Variants in LRRC74A observed in about 807,000 individuals in gnomAD.
LRRC74A encodes the protein leucine-rich repeat-containing protein 74A.
LRRC74A carries 44 observed loss-of-function variants against 57.9 expected under a neutral mutation model. The observed-to-expected ratio is 0.76, with a 90% CI of 0.60 to 0.98. LRRC74A has a LOEUF of 0.98. Ranked by LOEUF, LRRC74A falls within the 50% of genes least tolerant of loss-of-function variation. LRRC74A has a pLI of 0.00. For synonymous variants in LRRC74A, 211 were observed against 219.4 expected, an observed-to-expected ratio of 0.96 and a Z score of 0.34; for missense variants, 572 against 574.0, an observed-to-expected ratio of 1.00 and a Z score of 0.04.
At chr14:76,861,080 C>T (rs914523337) in intron 11 of LRRC74A, among the ~76,000 whole-genome samples, 14 of 152,296 alleles carry the variant, frequency 9.2e-5, no homozygotes, top group African/African-American at 3.4e-4. Flanking sequence ...CTGAAGGGGG[C>T]AGGTGGACAG....
At chr14:76,829,534 G>C (rs1895825109) in intron 2 of LRRC74A, among the ~76,000 whole-genome samples, 1 of 152,210 alleles carries the variant, frequency 6.6e-6, no homozygotes, top group Non-Finnish European at 1.5e-5. Context: ...AAAGGGTCCT[G>C]TTTCTATCTC....
At position 76,867,366 on chromosome 14, in the gene LRRC74A, T is replaced by A; in HGVS notation, c.1319T>A (p.Val440Asp). 6.4e-7 allele frequency: 1 copy of A among 1,566,704 alleles called. No individual in the cohort carries two copies. The highest frequency in any genetic ancestry group is 8.8e-7 in the Non-Finnish European group (1 of 1,139,038). The change falls in exon 13 of 14, where the codon GTC becomes GAC. Residue 440 changes from valine (V) to aspartate (D), a missense_variant. Coordinates refer to ENST00000689127, the MANE Select transcript of LRRC74A (RefSeq NM_001385106.1). ...FQKVMIEQNK[V>D]PLNQYQVREV... ...CATCCACCTCCTCAGCAAAACAAGGTCCCCCTGAACCAGTACCAGGTCAGG... is the reference window on the plus strand; with the variant it reads ...CATCCACCTCCTCAGCAAAACAAGGACCCCCTGAACCAGTACCAGGTCAGG...
intron 7 of LRRC74A, among the ~76,000 whole-genome samples, chr14:76,849,997 AG>A (rs1250841201): frequency 6.6e-6 from 1 of 151,922 alleles, no homozygotes. Flanking sequence ...TCACAAGGTC[AG>A]GAGATTGAGA....
At chr14:76,846,777 A>G (rs1025292826) in intron 7 of LRRC74A, among the ~76,000 whole-genome samples, 1 of 152,064 alleles carries the variant, frequency 6.6e-6, no homozygotes, top group African/African-American at 2.4e-5. Context: ...CAACAGGGAC[A>G]GGAGATAGGA....
chr14:76,846,544 A>G (rs910077621), intron 7 of LRRC74A, among the ~76,000 whole-genome samples: 1 of 152,236 alleles, frequency 6.6e-6, no homozygotes, highest in African/African-American at 2.4e-5. Flanking sequence ...CAAAAGAGGA[A>G]GTTGTCACAG....
intron 3 of LRRC74A, among the ~76,000 whole-genome samples, chr14:76,831,854 C>G (rs1896000603): frequency 2.0e-5 from 3 of 152,144 alleles, no homozygotes; most frequent in Admixed American, 2.0e-4. Flanking sequence ...AGTTTTCCCA[C>G]AGAAATAGTG....
chr14:76,859,157 G>A (rs1898102892), intron 10 of LRRC74A, among the ~76,000 whole-genome samples: 1 of 152,056 alleles, frequency 6.6e-6, no homozygotes, highest in South Asian at 2.1e-4. Flanking sequence ...TTCAGACTTT[G>A]TTGGCATCTG....
intron 10 of LRRC74A, among the ~76,000 whole-genome samples, chr14:76,857,730 G>C (rs944084041): frequency 1.3e-5 from 2 of 152,198 alleles, no homozygotes; most frequent in African/African-American, 4.8e-5. Flanking sequence ...GAAAACCTGA[G>C]AGTAGAGATA....
At chr14:76,857,016 C>T (rs956747190) in intron 9 of LRRC74A, among the ~76,000 whole-genome samples, 13 of 122,896 alleles carry the variant, frequency 1.1e-4, no homozygotes, top group East Asian at 2.5e-4. Context: ...GATGGATAGG[C>T]GGATGGATGA....
chr14:76,836,791 CAAA>C (rs11339843), intron 4 of LRRC74A, among the ~76,000 whole-genome samples: 9 of 92,890 alleles, frequency 9.7e-5, no homozygotes, highest in Non-Finnish European at 6.2e-5. Context: ...GACTCCATCT[CAAA>C]AAAAAAAAAA....
At chr14:76,865,891 T>G in intron 11 of LRRC74A, 77 bp from the exon 12 acceptor site, 1 of 1,162,120 alleles carries the variant, frequency 8.6e-7, no homozygotes, top group Non-Finnish European at 1.3e-6. Flanking sequence ...GGCCGCTCTT[T>G]TGTGGGAGGG....
chr14:76,828,263 C>T, intron 1 of LRRC74A, 28 bp from the exon 2 acceptor site: 1 of 1,566,446 alleles, frequency 6.4e-7, no homozygotes, highest in South Asian at 1.2e-5. Flanking sequence ...TTATTCCTGG[C>T]ATCAAGGAGA....
At chr14:76,836,965 A>C (rs931813078) in intron 4 of LRRC74A, among the ~76,000 whole-genome samples, 133 of 151,294 alleles carry the variant, frequency 8.8e-4, no homozygotes, top group African/African-American at 3.1e-3. Context: ...ACATGGTGGA[A>C]CCCCGCCTCT....
chr14:76,858,239 C>T (rs181773509), intron 10 of LRRC74A, among the ~76,000 whole-genome samples: 1 of 152,256 alleles, frequency 6.6e-6, no homozygotes, highest in East Asian at 1.9e-4. Flanking sequence ...TGTCAGCAGG[C>T]CTGATTCCTT....
At position 76,831,111 on chromosome 14, in the gene LRRC74A, C is replaced by T. The variant is rs1027882917; in HGVS notation, c.167-92C>T. On this transcript the variant is annotated intron_variant, in intron 2 of 13. Transcript: ENST00000689127. ...CAGGGAGAGATCCTCTGGCAGAGGA[C>T]AGTCTAGACATGAGTGAATGTCACT... The T allele has an allele frequency of 3.9e-6, 5 of 1,276,536 alleles. No individual in the cohort carries two copies. In the African/African-American group the frequency reaches 4.4e-5, roughly 11 times the overall value. 79.1% of individuals were successfully genotyped at this position (1,276,536 alleles called of 1,614,324 possible).
intron 13 of LRRC74A, 34 bp downstream of exon 13, chr14:76,867,472 T>G: frequency 1.7e-6 from 2 of 1,177,366 alleles, no homozygotes; most frequent in Non-Finnish European, 2.5e-6. Context: ...CCCCGTTCTC[T>G]GCAAGGGGCC....
chr14:76,858,102 C>T (rs1358901969), intron 10 of LRRC74A, among the ~76,000 whole-genome samples: 1 of 152,166 alleles, frequency 6.6e-6, no homozygotes. Flanking sequence ...TTTTATCCTA[C>T]TCTAGAAGGT....
intron 9 of LRRC74A, among the ~76,000 whole-genome samples, chr14:76,855,830 C>A (rs1897838031): frequency 6.6e-6 from 1 of 152,204 alleles, no homozygotes; most frequent in African/African-American, 2.4e-5. Context: ...ATAATAAGAA[C>A]TATTGTTCAT....
intron 3 of LRRC74A, among the ~76,000 whole-genome samples, chr14:76,834,512 T>G (rs1413411386): frequency 6.6e-6 from 1 of 152,202 alleles, no homozygotes; most frequent in Non-Finnish European, 1.5e-5. Context: ...TGGCCTAGAT[T>G]AGGAGCACGC....
Sources: allele counts gnomAD v4.1 joint callset (sites outside exome capture counted in the v4.1 genomes callset), GRCh38; gene constraint gnomAD v4.1.1; transcripts MANE v1.5; gene names NCBI Gene and HGNC (gene_info 2026-07-23, HGNC 2026-07-21).